Variants in HSD3B2 observed in about 807,000 individuals in gnomAD.
The protein encoded by HSD3B2 is 3 beta-hydroxysteroid dehydrogenase/Delta 5-->4-isomerase type 2.
HSD3B2 carries 8 observed loss-of-function variants against 9.9 expected under a neutral mutation model. That is an observed-to-expected ratio of 0.81 (90% CI 0.47 to 1.46). The LOEUF (loss-of-function observed/expected upper bound fraction) is 1.46, where lower values mean the gene tolerates loss of function less well. Among genes scored for constraint, HSD3B2 ranks in the 40% most tolerant of loss-of-function variants. The pLI, the probability that HSD3B2 is intolerant of heterozygous loss-of-function variation, is 0.00. For missense variants in HSD3B2, 410 were observed against 448.3 expected, an observed-to-expected ratio of 0.91 and a Z score of 0.77; for synonymous variants, 221 against 184.5, an observed-to-expected ratio of 1.20 and a Z score of -1.60.
rs201598230 is a variant in HSD3B2 at position 119,421,453 on chromosome 1, GTA to G, written c.308-346_308-345del. Among the ~76,000 whole-genome samples the G allele has an allele frequency of 9.9e-3, 172 of 17,314 alleles. 4 individuals are homozygous for G. Among genetic ancestry groups the G allele is most frequent in the Non-Finnish European group, 0.015 (107 of 6,924 alleles). 11.4% of individuals were successfully genotyped at this position (17,314 alleles called of 152,430 possible). On this transcript the variant is annotated intron_variant, in intron 3 of 3. Coordinates refer to ENST00000369416, the MANE Select transcript of HSD3B2 (RefSeq NM_000198.4). ...TATATATATATATGTATATATATAT[GTA>G]TATATATATGTATATATATATGTAT...
intron 2 of HSD3B2, 119 bp from the exon 3 acceptor site, chr1:119,419,299 C>A (rs1374093109): frequency 5.6e-6 from 5 of 887,644 alleles, no homozygotes; most frequent in Non-Finnish European, 9.2e-6. Flanking sequence ...TGTAGTACAC[C>A]CTCCACTCTA....
intron 2 of HSD3B2, among the ~76,000 whole-genome samples, chr1:119,418,386 A>C (rs929205247): frequency 1.3e-5 from 2 of 152,128 alleles, no homozygotes; most frequent in African/African-American, 4.8e-5. Context: ...TCCCAGCTCC[A>C]GTAGGTACCA....
rs114527791 is a variant in HSD3B2, at chr1:119,421,966, G to A, written c.465G>A (p.Pro155=). The change falls in exon 4 of 4, where the codon CCG becomes CCA. Residue 155 remains proline, a synonymous_variant. Transcript: ENST00000369416. The part of the protein sequence containing the change: ...PLENTWPTPY[P]YSKKLAEKAV... ...AAAACACATGGCCCACTCCATACCC[G>A]TACAGCAAAAAGCTTGCTGAGAAGG... The A allele has an allele frequency of 5.1e-4, 815 of 1,613,670 alleles. 2 individuals carry two copies. The highest frequency in any genetic ancestry group is 1.6e-3 in the South Asian group (146 of 90,736).
rs2101343253 is a variant in HSD3B2 at position 119,419,298 on chromosome 1, C to A, written c.143-120C>A. ...TGTTCCTTTTATGGAATGTAGTACA[C>A]CCTCCACTCTAATACCCACACTCTA... is the stretch of plus-strand genomic sequence containing the variant. On this transcript the variant is annotated intron_variant, in intron 2 of 3. Transcript: ENST00000369416. 9.1e-6 allele frequency: 8 copies of A among 880,144 alleles called. No homozygotes were observed. In the East Asian group the frequency reaches 1.8e-4, roughly 19 times the overall value. 54.5% of individuals were successfully genotyped at this position (880,144 alleles called of 1,614,324 possible).
Position 119,422,449 on chromosome 1 carries a change from C to T in HSD3B2, c.948C>T (p.Arg316=). The T allele has an allele frequency of 1.2e-6, 2 of 1,614,128 alleles. No homozygotes were observed. The highest frequency in any genetic ancestry group is 1.7e-6 in the Non-Finnish European group (2 of 1,179,994). Residue 316 remains arginine, a synonymous_variant, in exon 4 of 4, where the codon CGC becomes CGT. Coordinates refer to ENST00000369416, the MANE Select transcript of HSD3B2 (RefSeq NM_000198.4). ...ACTCCTATCAACCCCCCTTCAACCGCCACACAGTCACATTATCAAATAGTG... is the reference window on the plus strand; with the variant it reads ...ACTCCTATCAACCCCCCTTCAACCGTCACACAGTCACATTATCAAATAGTG... ...PIYSYQPPFN[R]HTVTLSNSVF... is the part of the protein sequence containing the mutation.
rs778275898 is a variant in HSD3B2 at position 119,421,860 on chromosome 1, T to C, written c.359T>C (p.Ile120Thr). ...ACVQASVPVFIYTSSIEVAGP... is the reference protein window; with the variant it reads ...ACVQASVPVFTYTSSIEVAGP... ...GTCCAAGCCAGTGTGCCAGTCTTCATCTACACCAGTAGCATAGAGGTAGCC... is the reference window on the plus strand; with the variant it reads ...GTCCAAGCCAGTGTGCCAGTCTTCACCTACACCAGTAGCATAGAGGTAGCC... Residue 120 changes from isoleucine to threonine, a missense_variant, in exon 4 of 4, where the codon ATC becomes ACC. Transcript: ENST00000369416. 1.2e-6 allele frequency: 2 copies of C among 1,613,900 alleles called. No homozygotes were observed. The highest frequency in any genetic ancestry group is 1.7e-6 in the Non-Finnish European group (2 of 1,179,942).
Position 119,422,847 on chromosome 1 carries a change from T to G in HSD3B2, c.*227T>G, listed in dbSNP as rs587653430. The G allele has an allele frequency of 1.7e-6, 1 of 604,704 alleles. No homozygotes were observed. The highest frequency in any genetic ancestry group is 2.8e-5 in the East Asian group (1 of 35,378). The allele number at this position is 604,704 out of a possible 1,614,324, so 37.5% of individuals were successfully genotyped here. A position where few individuals can be genotyped will look rare whatever the true frequency, so the allele number is the denominator to read the frequency against. On this transcript the variant is annotated 3_prime_UTR_variant, in exon 4 of 4. Transcript: ENST00000369416. ...ATACACCAGAAGACAAACAATATGA[T>G]TTGCTGTTACCAAATCTCAGTGGCT... is the stretch of plus-strand genomic sequence containing the variant.
At position 119,421,882 on chromosome 1, in the gene HSD3B2, A is replaced by G; in HGVS notation, c.381A>G (p.Val127=). The change falls in exon 4 of 4, where the codon GTA becomes GTG. Residue 127 remains valine, a synonymous_variant. Transcript: ENST00000369416. The part of the protein sequence containing the change: ...PVFIYTSSIE[V]AGPNSYKEII... ...TCATCTACACCAGTAGCATAGAGGTAGCCGGGCCCAACTCCTACAAGGAAA... is the reference window on the plus strand; with the variant it reads ...TCATCTACACCAGTAGCATAGAGGTGGCCGGGCCCAACTCCTACAAGGAAA... 1 of 1,614,062 alleles carries G rather than the reference A, an allele frequency of 6.2e-7. No homozygotes were observed. Among genetic ancestry groups the G allele is most frequent in the Non-Finnish European group, 8.5e-7 (1 of 1,179,978 alleles).
intron 3 of HSD3B2, among the ~76,000 whole-genome samples, chr1:119,421,450 TA>T (rs1248709922): frequency 8.0e-5 from 1 of 12,490 alleles, no homozygotes; most frequent in South Asian, 5.4e-3. Context: ...TGTATATATA[TA>T]TGTATATATA....
chr1:119,421,769 G>A (rs1254206285), intron 3 of HSD3B2, 40 bp from the exon 4 acceptor site: 2 of 1,610,340 alleles, frequency 1.2e-6, no homozygotes, highest in African/African-American at 2.7e-5. Context: ...AGCTCCTTTG[G>A]GATATTTCCT....
intron 2 of HSD3B2, chr1:119,417,338 T>C (rs1332843529): frequency 6.6e-6 from 1 of 152,154 alleles, no homozygotes; most frequent in Non-Finnish European, 1.5e-5. Flanking sequence ...TAAGACTCCA[T>C]CAAAAATTGC....
chr1:119,421,697 C>A, intron 3 of HSD3B2, 112 bp from the exon 4 acceptor site: 1 of 1,198,788 alleles, frequency 8.3e-7, no homozygotes, highest in Non-Finnish European at 1.2e-6. Flanking sequence ...CACCCTGAGT[C>A]TGTTATAACC....
chr1:119,421,668 T>C, intron 3 of HSD3B2, 141 bp from the exon 4 acceptor site: 1 of 957,718 alleles, frequency 1.0e-6, no homozygotes, highest in Non-Finnish European at 1.7e-6. Flanking sequence ...CCAATCTCAG[T>C]CAGAGCCACA....
At chr1:119,416,621 T>C (rs1224774430) in intron 2 of HSD3B2, among the ~76,000 whole-genome samples, 1 of 152,174 alleles carries the variant, frequency 6.6e-6, no homozygotes, top group Admixed American at 6.5e-5. Context: ...AATTCCATGT[T>C]TTCCTCCCAA....
chr1:119,416,453 A>G (rs1165012063), intron 2 of HSD3B2, among the ~76,000 whole-genome samples: 1 of 152,230 alleles, frequency 6.6e-6, no homozygotes, highest in Admixed American at 6.5e-5. Flanking sequence ...TGAACCCATC[A>G]AGTTCCAGAA....
chr1:119,415,502 T>C lies in HSD3B2; in HGVS notation c.83T>C (p.Leu28Pro). ...CGCCTGTTGGTGGAAGAGAAGGAACTGAAGGAGATCAGGGCCTTGGACAAG... is the reference window on the plus strand; with the variant it reads ...CGCCTGTTGGTGGAAGAGAAGGAACCGAAGGAGATCAGGGCCTTGGACAAG... ...IVRLLVEEKE[L>P]KEIRALDKAF... is the part of the protein sequence containing the mutation. The change falls in exon 2 of 4, where the codon CTG becomes CCG. Residue 28 changes from leucine (L) to proline (P), a missense_variant. Physicochemically the swap from Leu to Pro is moderately conservative, Grantham distance 98. Coordinates refer to ENST00000369416, the MANE Select transcript of HSD3B2 (RefSeq NM_000198.4). 1.2e-6 allele frequency: 2 copies of C among 1,613,974 alleles called. No homozygotes were observed. Among genetic ancestry groups the C allele is most frequent in the Non-Finnish European group, 1.7e-6 (2 of 1,179,896 alleles).
intron 3 of HSD3B2, 29 bp downstream of exon 3, chr1:119,419,611 A>C: frequency 6.2e-7 from 1 of 1,607,338 alleles, no homozygotes; most frequent in African/African-American, 1.3e-5. Context: ...GAGATAAAAC[A>C]AGTTGGTTAA....
At position 119,422,375 on chromosome 1, in the gene HSD3B2, T is replaced by G; in HGVS notation, c.874T>G (p.Trp292Gly). 6.2e-7 allele frequency: 1 copy of G among 1,614,184 alleles called. No homozygotes were observed. The highest frequency in any genetic ancestry group is 1.1e-5 in the South Asian group (1 of 91,082). The stretch of plus-strand genomic sequence containing the variant: ...GAGCCTTCCTTTAACCCTGATGTAC[T>G]GGATTGGCTTCCTGCTGGAAGTAGT... ...RWSLPLTLMY[W>G]IGFLLEVVSF... The change falls in exon 4 of 4, where the codon TGG becomes GGG. Residue 292 changes from tryptophan (W) to glycine (G), a missense_variant. Trp to Gly is a radical substitution (Grantham distance 184, BLOSUM62 -2). Transcript: ENST00000369416.
Position 119,422,701 on chromosome 1 carries a change from C to G in HSD3B2, c.*81C>G. On this transcript the variant is annotated 3_prime_UTR_variant, in exon 4 of 4. Transcript: ENST00000369416. ...CACCCACCTGGCTTCATACAGAAGGCAACAGGGGCACAAGCCCAGGTCCTG... is the reference window on the plus strand; with the variant it reads ...CACCCACCTGGCTTCATACAGAAGGGAACAGGGGCACAAGCCCAGGTCCTG... The G allele has an allele frequency of 1.3e-6, 2 of 1,525,144 alleles. No homozygotes were observed. The highest frequency in any genetic ancestry group is 1.8e-6 in the Non-Finnish European group (2 of 1,112,976). 94.5% of individuals were successfully genotyped at this position (1,525,144 alleles called of 1,614,324 possible). A position where few individuals can be genotyped will look rare whatever the true frequency, so the allele number is the denominator to read the frequency against.
Sources: gnomAD v4.1 joint callset for allele counts (sites outside exome capture counted in the v4.1 genomes callset) on GRCh38, gnomAD v4.1.1 for gene constraint, MANE v1.5 for transcripts, NCBI Gene and HGNC (gene_info 2026-07-23, HGNC 2026-07-21) for gene names.